CFAP61: variants seen among roughly 807,000 people sequenced by gnomAD.
CFAP61 encodes the protein cilia- and flagella-associated protein 61.
Under a neutral mutation model 135.6 loss-of-function variants are expected in CFAP61, and 107 were observed. The observed-to-expected ratio is 0.79, with a 90% CI of 0.67 to 0.93. The LOEUF (loss-of-function observed/expected upper bound fraction) is 0.93. CFAP61 is among the 40% of genes least tolerant of loss of function. The pLI is 0.00. For synonymous variants in CFAP61, 575 were observed against 578.5 expected, an observed-to-expected ratio of 0.99 and a Z score of 0.09; for missense variants, 1,507 against 1,556.2, an observed-to-expected ratio of 0.97 and a Z score of 0.53.
chr20:20,135,665 C>T (rs1346657175), intron 8 of CFAP61, among the ~76,000 whole-genome samples: 1 of 152,148 alleles, frequency 6.6e-6, no homozygotes, highest in Non-Finnish European at 1.5e-5. Context: ...TACACTTTAT[C>T]TCCTGGCTTT....
intron 1 of CFAP61, among the ~76,000 whole-genome samples, chr20:20,055,246 C>CT (rs1332963261): frequency 1.3e-5 from 2 of 152,064 alleles, no homozygotes; most frequent in Admixed American, 6.5e-5. Context: ...GTTTCAGAGT[C>CT]TATCATCTAA....
At chr20:20,213,454 A>T (rs2047811826) in intron 17 of CFAP61, among the ~76,000 whole-genome samples, 1 of 152,110 alleles carries the variant, frequency 6.6e-6, no homozygotes, top group African/African-American at 2.4e-5. Flanking sequence ...TTAGAATTTC[A>T]GGAATCCAAA....
At chr20:20,235,753 C>G (rs371856020) in intron 18 of CFAP61, among the ~76,000 whole-genome samples, 3 of 152,194 alleles carry the variant, frequency 2.0e-5, no homozygotes, top group African/African-American at 7.2e-5. Context: ...CCCCAACTTA[C>G]AGCATTTGAT....
chr20:20,084,401 CCTGCTG>C lies in CFAP61; in HGVS notation c.567-6409_567-6404del, dbSNP rs3060422. 8.3e-4 allele frequency among the ~76,000 whole-genome samples: 125 copies of C among 150,804 alleles called. No individual in the cohort carries two copies. In the South Asian group the frequency reaches 0.019, roughly 22 times the overall value. ...GCCAGGATTCTGGATGCGGAGGTGG[CCTGCTG>C]CTGCTGCTGCTGCTGCTGCTGCTGC... On this transcript the variant is annotated intron_variant, in intron 6 of 26. Coordinates refer to ENST00000245957, the MANE Select transcript of CFAP61 (RefSeq NM_015585.4).
chr20:20,308,382 G>A (rs2056604176), intron 25 of CFAP61, among the ~76,000 whole-genome samples: 1 of 151,546 alleles, frequency 6.6e-6, no homozygotes, highest in African/African-American at 2.4e-5. Context: ...GTTTTGGTGG[G>A]GTCAATTAGA....
intron 9 of CFAP61, 32 bp downstream of exon 9, chr20:20,142,980 G>T (rs7265615): frequency 0.25 from 341,026 of 1,372,880 alleles, 43,552 homozygotes; most frequent in South Asian, 0.33. Context: ...TGCCTAGGGT[G>T]GGGGGATGGG....
intron 2 of CFAP61, among the ~76,000 whole-genome samples, chr20:20,065,616 G>GA (rs11445024): frequency 0.019 from 2,557 of 136,230 alleles, 63 homozygotes; most frequent in African/African-American, 0.059. Flanking sequence ...TAGACATTTT[G>GA]AAAAAAAAAA....
At chr20:20,095,866 T>TA (rs1360831669) in intron 7 of CFAP61, among the ~76,000 whole-genome samples, 1 of 152,198 alleles carries the variant, frequency 6.6e-6, no homozygotes, top group Admixed American at 6.5e-5. Flanking sequence ...TGGGTGGCTG[T>TA]AGGGCTTTTT....
chr20:20,300,021 G>A lies in CFAP61; in HGVS notation c.3422+1635G>A, dbSNP rs76437497. ...TCAACAATGGGTCACACATATAATC[G>A]GAGTCCCATAAGATATTAATGAAGC... On this transcript the variant is annotated intron_variant, in intron 25 of 26. Coordinates refer to ENST00000245957, the MANE Select transcript of CFAP61 (RefSeq NM_015585.4). 9.2e-3 allele frequency among the ~76,000 whole-genome samples: 1,399 copies of A among 152,120 alleles called. 37 individuals carry two copies. The highest frequency in any genetic ancestry group is 0.031 in the African/African-American group (1,297 of 41,482).
intron 7 of CFAP61, among the ~76,000 whole-genome samples, chr20:20,091,561 A>G (rs6081871): frequency 0.74 from 112,374 of 151,850 alleles, 41,993 homozygotes; most frequent in East Asian, 0.99. Flanking sequence ...AGTTGCATAC[A>G]TAATGCCCCT....
chr20:20,166,435 CT>C lies in CFAP61; in HGVS notation c.1245del (p.Asp416IlefsTer6), dbSNP rs757088492. Reference sequence around the variant, plus strand: ...ATGAATTTTGTTTTCAGTCTTTTTTCTGTAAGTACATGCTGAATTTTGAGAA... The same window carrying C: ...ATGAATTTTGTTTTCAGTCTTTTTTCGTAAGTACATGCTGAATTTTGAGAA... ...DFMNFVFSLF[S>X]DKNFCVISLP... is the part of the protein sequence containing the mutation. On this transcript the variant is annotated frameshift_variant and splice_region_variant, in exon 12 of 27. Transcript: ENST00000245957. LOFTEE classifies it high-confidence loss of function. The C allele has an allele frequency of 1.8e-5, 29 of 1,612,050 alleles. No homozygotes were observed. The South Asian group carries it at 2.6e-4, about 15-fold the overall frequency.
chr20:20,065,133 C>T lies in CFAP61; in HGVS notation c.144-5721C>T, dbSNP rs951752560. Among the ~76,000 whole-genome samples the T allele has an allele frequency of 5.9e-5, 9 of 152,226 alleles. 1 individual carries two copies. The East Asian group carries it at 1.4e-3, about 23-fold the overall frequency. On this transcript the variant is annotated intron_variant, in intron 2 of 26. Coordinates refer to ENST00000245957, the MANE Select transcript of CFAP61 (RefSeq NM_015585.4). ...CATGGGAAAGAAAATAATAACCAAC[C>T]TCATGTAGTAGAAAACTTGTAAAAA...
In CFAP61 at chr20:20,091,018, A is replaced by T. The variant is rs761605597; in HGVS notation, c.699+42A>T. On this transcript the variant is annotated intron_variant, in intron 7 of 26. Transcript: ENST00000245957. ...TGTGGGAACACACTTAGTGAGAGGA[A>T]GGAGGGATGTGAGTGGTGTTGCTCT... The T allele has an allele frequency of 1.9e-6, 3 of 1,608,698 alleles. No homozygotes were observed. In the Admixed American group the frequency reaches 5.0e-5, roughly 27 times the overall value.
intron 21 of CFAP61, among the ~76,000 whole-genome samples, chr20:20,275,802 T>C (rs543596076): frequency 6.6e-6 from 1 of 152,374 alleles, no homozygotes; most frequent in South Asian, 2.1e-4. Flanking sequence ...GCTGATTCTT[T>C]GTTGTGCCAG....
At chr20:20,329,705 C>T (rs894812136) in intron 25 of CFAP61, among the ~76,000 whole-genome samples, 2 of 152,246 alleles carry the variant, frequency 1.3e-5, no homozygotes, top group African/African-American at 4.8e-5. Context: ...CCCCACCTTG[C>T]ATCCGACTGG....
At chr20:20,290,228 AT>A in intron 23 of CFAP61, 71 bp from the exon 24 acceptor site, 1 of 956,076 alleles carries the variant, frequency 1.0e-6, no homozygotes, top group East Asian at 2.4e-5. Flanking sequence ...TTGTCCTGTG[AT>A]GAAAATATGA....
chr20:20,261,916 G>A (rs549105115), intron 20 of CFAP61, among the ~76,000 whole-genome samples: 8 of 152,248 alleles, frequency 5.3e-5, no homozygotes, highest in African/African-American at 1.9e-4. Context: ...GAAAGTTTCT[G>A]TTCCCACACA....
chr20:20,282,836 G>GGCTGAAGCAGGA (rs992220533), intron 22 of CFAP61, among the ~76,000 whole-genome samples: 2 of 152,014 alleles, frequency 1.3e-5, no homozygotes, highest in African/African-American at 2.4e-5. Flanking sequence ...TTACTCGGGA[G>GGCTGAAGCAGGA]GCTGAAGCAG....
intron 25 of CFAP61, among the ~76,000 whole-genome samples, chr20:20,308,705 T>C (rs977358457): frequency 2.6e-5 from 4 of 152,088 alleles, no homozygotes; most frequent in African/African-American, 9.7e-5. Flanking sequence ...TGATTTGGGG[T>C]TTAGGAATGC....
Sources: gnomAD v4.1 joint callset for allele counts (sites outside exome capture counted in the v4.1 genomes callset) on GRCh38, gnomAD v4.1.1 for gene constraint, MANE v1.5 for transcripts, NCBI Gene and HGNC (gene_info 2026-07-23, HGNC 2026-07-21) for gene names.